Variants in SLC1A1 observed in about 807,000 individuals in gnomAD.
SLC1A1 encodes excitatory amino acid transporter 3.
Under a neutral mutation model 53.3 loss-of-function variants are expected in SLC1A1, and 43 were observed. The observed-to-expected ratio is 0.81, with a 90% CI of 0.63 to 1.04. The LOEUF (loss-of-function observed/expected upper bound fraction) is 1.04. SLC1A1 is among the 50% of genes least tolerant of loss of function. SLC1A1 has a pLI of 0.00. For synonymous variants in SLC1A1, 307 were observed against 243.2 expected, an observed-to-expected ratio of 1.26 and a Z score of -2.44; for missense variants, 748 against 664.9, an observed-to-expected ratio of 1.12 and a Z score of -1.37.
rs12004839 is a variant in SLC1A1 at position 4,574,045 on chromosome 9, C to G, written c.875+31C>G. Reference sequence around the variant, plus strand: ...TCAGACTCAAGAGAAGAGACAGAAACCTCCTTTGATCTAATAGGATGGCCG... The same window carrying G: ...TCAGACTCAAGAGAAGAGACAGAAAGCTCCTTTGATCTAATAGGATGGCCG... On this transcript the variant is annotated intron_variant, in intron 8 of 11. Transcript: ENST00000262352. 0.017 allele frequency: 24,699 copies of G among 1,435,254 alleles called. 3,205 individuals are homozygous for G. In the African/African-American group the frequency reaches 0.3, roughly 17 times the overall value. The allele number at this position is 1,435,254 out of a possible 1,614,324, so 88.9% of individuals were successfully genotyped here.
intron 1 of SLC1A1, among the ~76,000 whole-genome samples, chr9:4,497,245 A>T (rs1273672268): frequency 6.6e-6 from 1 of 152,198 alleles, no homozygotes; most frequent in Non-Finnish European, 1.5e-5. Context: ...TTCAGGAAAC[A>T]GAGGCACAGA....
chr9:4,549,262 C>T lies in SLC1A1; in HGVS notation c.232+4555C>T, dbSNP rs1298563601. ...GCCACCCCCGCCTGGGCCAGAAGCA[C>T]TCCAGTGGGCACAGCTGCGCCTCCT... On this transcript the variant is annotated intron_variant, in intron 2 of 11. Coordinates refer to ENST00000262352, the MANE Select transcript of SLC1A1 (RefSeq NM_004170.6). This position sits in a 1 kb window ranked among gnomAD's most constrained non-coding sequence, Gnocchi z 4.1. 1.3e-5 allele frequency among the ~76,000 whole-genome samples: 2 copies of T among 152,158 alleles called. No individual in the cohort carries two copies. Among genetic ancestry groups the T allele is most frequent in the Non-Finnish European group, 2.9e-5 (2 of 68,018 alleles).
Position 4,583,007 on chromosome 9 carries a change from T to C in SLC1A1, c.1194-31T>C. ...GGCTTTAACGGGAGAGGTAAGTGTC[T>C]AACTCCTTTCCTGCTGGTATGTTTC... On this transcript the variant is annotated intron_variant, in intron 10 of 11. Coordinates refer to ENST00000262352, the MANE Select transcript of SLC1A1 (RefSeq NM_004170.6). This position sits in a 1 kb window ranked among gnomAD's most constrained non-coding sequence, Gnocchi z 4.6. 1 of 1,614,116 alleles carries C rather than the reference T, an allele frequency of 6.2e-7. No homozygotes were observed. Among genetic ancestry groups the C allele is most frequent in the Non-Finnish European group, 8.5e-7 (1 of 1,179,966 alleles).
At chr9:4,544,803 TA>T in intron 2 of SLC1A1, 96 bp downstream of exon 2, 1 of 1,048,102 alleles carries the variant, frequency 9.5e-7, no homozygotes, top group Non-Finnish European at 1.5e-6. Context: ...GAAAGAGGTT[TA>T]ATTGACTCAC....
chr9:4,522,788 A>C (rs956412154), intron 1 of SLC1A1, among the ~76,000 whole-genome samples: 1 of 152,152 alleles, frequency 6.6e-6, no homozygotes, highest in Non-Finnish European at 1.5e-5. Context: ...ATTCACTATC[A>C]TGAGAACAAC....
intron 2 of SLC1A1, chr9:4,560,196 A>G (rs2129657350): frequency 6.6e-6 from 1 of 152,386 alleles, no homozygotes; most frequent in South Asian, 2.1e-4. Context: ...GGTTGTTTAC[A>G]CAGAAGCAAT....
chr9:4,542,006 A>G (rs1404158785), intron 1 of SLC1A1, among the ~76,000 whole-genome samples: 5 of 152,182 alleles, frequency 3.3e-5, no homozygotes, highest in Non-Finnish European at 7.3e-5. Flanking sequence ...AAACTGCTTG[A>G]GACCAAGATA....
At chr9:4,560,633 T>C (rs879491179) in intron 2 of SLC1A1, among the ~76,000 whole-genome samples, 1 of 151,912 alleles carries the variant, frequency 6.6e-6, no homozygotes, top group Admixed American at 6.6e-5. Flanking sequence ...CAGTTAAGCC[T>C]AAGCTTCCTG....
chr9:4,513,184 A>G (rs1483042646), intron 1 of SLC1A1, among the ~76,000 whole-genome samples: 1 of 152,230 alleles, frequency 6.6e-6, no homozygotes, highest in Non-Finnish European at 1.5e-5. Flanking sequence ...CACAATTCAT[A>G]AAAGAAAAAA....
intron 1 of SLC1A1, among the ~76,000 whole-genome samples, chr9:4,513,810 A>G (rs1821072964): frequency 1.3e-5 from 2 of 152,202 alleles, no homozygotes; most frequent in South Asian, 4.1e-4. Context: ...AATATTCTTC[A>G]ATAAGTAAAT....
At chr9:4,544,067 T>A (rs1817246026) in intron 1 of SLC1A1, among the ~76,000 whole-genome samples, 1 of 152,004 alleles carries the variant, frequency 6.6e-6, no homozygotes, top group South Asian at 2.1e-4. Context: ...TCCTAGCTAC[T>A]CGGGAGGCTG....
chr9:4,492,615 A>C (rs1820276536), intron 1 of SLC1A1, among the ~76,000 whole-genome samples: 1 of 152,130 alleles, frequency 6.6e-6, no homozygotes, highest in Admixed American at 6.5e-5. Flanking sequence ...CCTGGGCAAC[A>C]TGGCAAAATG....
intron 1 of SLC1A1, 120 bp downstream of exon 1, chr9:4,490,890 C>A: frequency 1.3e-6 from 1 of 792,834 alleles, no homozygotes; most frequent in East Asian, 2.7e-5. Context: ...TCGATGCCCC[C>A]TCGGCCTTAG....
intron 1 of SLC1A1, among the ~76,000 whole-genome samples, chr9:4,504,774 A>G (rs377679726): frequency 1.3e-5 from 2 of 152,174 alleles, no homozygotes; most frequent in South Asian, 4.1e-4. Flanking sequence ...AAATTTAAAT[A>G]ATTTCTTTAA....
At position 4,556,740 on chromosome 9, in the gene SLC1A1, G is replaced by A. The variant is rs373139653; in HGVS notation, c.233-4709G>A. ...CACAAGTTCTCACCAAGACAATATC[G>A]TCCCCAAGGCAGCAAAAGCTGTTTT... On this transcript the variant is annotated intron_variant, in intron 2 of 11. Transcript: ENST00000262352. The surrounding 1 kb of genome is among the most constrained non-coding windows in gnomAD (Gnocchi z 4.1). Among the ~76,000 whole-genome samples the A allele has an allele frequency of 3.9e-5, 6 of 152,078 alleles. No individual in the cohort carries two copies. Among genetic ancestry groups the A allele is most frequent in the Admixed American group, 2.6e-4 (4 of 15,264 alleles).
intron 1 of SLC1A1, among the ~76,000 whole-genome samples, chr9:4,533,277 TAA>T (rs1382978323): frequency 2.0e-5 from 3 of 152,252 alleles, no homozygotes; most frequent in South Asian, 2.1e-4. Flanking sequence ...GCAAATTGGA[TAA>T]AGAGTCAAGA....
chr9:4,581,947 T>C (rs183073368), intron 10 of SLC1A1, among the ~76,000 whole-genome samples: 1 of 152,188 alleles, frequency 6.6e-6, no homozygotes, highest in Non-Finnish European at 1.5e-5. Context: ...CCCCAAAGAA[T>C]ATGAATGTGT....
chr9:4,546,001 C>G lies in SLC1A1; in HGVS notation c.232+1294C>G, dbSNP rs570183643. ...ACATGTCCCCTTCTAGAACATTTTT[C>G]TCCACTGCCACTGTAAAGGTCTGGG... On this transcript the variant is annotated intron_variant, in intron 2 of 11. Transcript: ENST00000262352. 7.2e-5 allele frequency among the ~76,000 whole-genome samples: 11 copies of G among 152,228 alleles called. 1 individual carries two copies. The South Asian group carries it at 2.3e-3, about 32-fold the overall frequency.
chr9:4,579,792 T>A (rs942724547), intron 10 of SLC1A1, among the ~76,000 whole-genome samples: 1 of 152,152 alleles, frequency 6.6e-6, no homozygotes, highest in South Asian at 2.1e-4. Context: ...GGACTGGACA[T>A]CAAAGAAACA....
Sources: allele counts gnomAD v4.1 joint callset (sites outside exome capture counted in the v4.1 genomes callset), GRCh38; gene constraint gnomAD v4.1.1; non-coding constraint Gnocchi (gnomAD v3.1); transcripts MANE v1.5; gene names NCBI Gene and HGNC (gene_info 2026-07-23, HGNC 2026-07-21).